PICALM: variants seen among roughly 807,000 people sequenced by gnomAD.
PICALM encodes phosphatidylinositol binding clathrin assembly protein.
In PICALM, 40 loss-of-function variants were observed where a neutral mutation model predicts 80.5. The observed-to-expected ratio is 0.50, with a 90% CI of 0.39 to 0.65. The LOEUF is 0.65. PICALM is among the 30% of genes least tolerant of loss of function. The pLI is 0.00. For missense variants in PICALM, 676 were observed against 778.9 expected (o/e 0.87, Z 1.57); for synonymous variants, 288 against 260.3 (o/e 1.11, Z -1.02).
At chr11:86,015,407 C>T (rs1278721675) in intron 4 of PICALM, among the ~76,000 whole-genome samples, 3 of 152,154 alleles carry the variant, frequency 2.0e-5, no homozygotes, top group African/African-American at 2.4e-5. Flanking sequence ...TCTTAGAGCT[C>T]TGTTTTATTT....
intron 1 of PICALM, among the ~76,000 whole-genome samples, chr11:86,044,693 G>C (rs2096038298): frequency 6.6e-6 from 1 of 152,194 alleles, no homozygotes; most frequent in African/African-American, 2.4e-5. Context: ...TAGGAACTGG[G>C]CCACACAGTA....
intron 7 of PICALM, among the ~76,000 whole-genome samples, chr11:86,009,249 T>G (rs1447674708): frequency 8.7e-6 from 1 of 115,276 alleles, no homozygotes; most frequent in Admixed American, 1.3e-4. Context: ...GACGAGACCA[T>G]GCCATGGCAC....
At chr11:85,992,702 C>T (rs11820073) in intron 12 of PICALM, among the ~76,000 whole-genome samples, 3 of 152,090 alleles carry the variant, frequency 2.0e-5, no homozygotes, top group South Asian at 2.1e-4. Context: ...CCATGAAATA[C>T]GTAATTTTTT....
At position 86,012,190 on chromosome 11, in the gene PICALM, T is replaced by A. The variant is rs2095410170; in HGVS notation, c.658+91A>T. 6 of 605,192 alleles carry A rather than the reference T, an allele frequency of 9.9e-6. No individual in the cohort carries two copies. The East Asian group carries it at 1.8e-4, about 18-fold the overall frequency. 37.5% of individuals were successfully genotyped at this position (605,192 alleles called of 1,614,324 possible). On this transcript the variant is annotated intron_variant, in intron 6 of 19. Transcript: ENST00000393346. The stretch of plus-strand genomic sequence containing the variant: ...CAATGAATGAATATATCATAATAAA[T>A]TTTTAGCCAGCTTTAAGTAACAACT...
intron 3 of PICALM, among the ~76,000 whole-genome samples, chr11:86,024,114 C>T (rs1393948965): frequency 6.6e-6 from 1 of 152,048 alleles, no homozygotes; most frequent in Non-Finnish European, 1.5e-5. Context: ...GGTGACAGAG[C>T]AAGCCCCGGT....
chr11:85,983,413 T>C (rs2094497269), intron 14 of PICALM, among the ~76,000 whole-genome samples: 1 of 152,228 alleles, frequency 6.6e-6, no homozygotes, highest in Non-Finnish European at 1.5e-5. Context: ...CCTGATTATT[T>C]AATACATTCT....
chr11:86,002,490 T>C (rs2095170809), intron 9 of PICALM, among the ~76,000 whole-genome samples: 1 of 152,186 alleles, frequency 6.6e-6, no homozygotes, highest in Admixed American at 6.5e-5. Flanking sequence ...TGATATGAAA[T>C]GATTTCTGTT....
chr11:86,009,249 T>C (rs1447674708), intron 7 of PICALM, among the ~76,000 whole-genome samples: 1 of 115,276 alleles, frequency 8.7e-6, no homozygotes, highest in Non-Finnish European at 1.6e-5. Context: ...GACGAGACCA[T>C]GCCATGGCAC....
At chr11:85,968,293 A>AAAAACAACAC (rs2093976528) in intron 19 of PICALM, among the ~76,000 whole-genome samples, 3 of 151,320 alleles carry the variant, frequency 2.0e-5, no homozygotes, top group African/African-American at 7.3e-5. Context: ...CCTGTCTCAA[A>AAAAACAACAC]AAAACAAAAC....
rs768122384 is a variant in PICALM at position 86,012,411 on chromosome 11, A to G, written c.547-19T>C. The G allele has an allele frequency of 7.3e-7, 1 of 1,365,096 alleles. No individual in the cohort carries two copies. The highest frequency in any genetic ancestry group is 1.0e-6 in the Non-Finnish European group (1 of 957,058). The allele number at this position is 1,365,096 out of a possible 1,614,324, so 84.6% of individuals were successfully genotyped here. On this transcript the variant is annotated intron_variant, in intron 5 of 19. Transcript: ENST00000393346. ...TATTAACCTAGGGAAAAATTGGAAA[A>G]TAAAATTAGCTAATCTTAGGTTTTA...
At chr11:85,974,352 C>A in intron 19 of PICALM, 1 of 411,808 alleles carries the variant, frequency 2.4e-6, no homozygotes, top group Non-Finnish European at 4.9e-6. Flanking sequence ...TCATTCTAGC[C>A]ATTAGCCAAG....
intron 19 of PICALM, among the ~76,000 whole-genome samples, chr11:85,972,120 TA>T (rs149240778): frequency 2.0e-5 from 3 of 150,788 alleles, no homozygotes; most frequent in African/African-American, 7.3e-5. Context: ...TTGCCAACAT[TA>T]AAAAAAAATG....
At chr11:85,977,420 C>G (rs2094316417) in intron 17 of PICALM, among the ~76,000 whole-genome samples, 1 of 152,144 alleles carries the variant, frequency 6.6e-6, no homozygotes, top group African/African-American at 2.4e-5. Flanking sequence ...AGAACAGAAT[C>G]ATTTTAGATA....
At chr11:86,000,905 C>A (rs752270194) in intron 10 of PICALM, 126 bp from the exon 11 acceptor site, 2 of 1,479,244 alleles carry the variant, frequency 1.4e-6, no homozygotes, top group Non-Finnish European at 1.8e-6. Context: ...TATGTCAGGA[C>A]GAAAAGTTAG....
intron 1 of PICALM, among the ~76,000 whole-genome samples, chr11:86,039,278 A>C (rs558449724): frequency 6.6e-6 from 1 of 152,290 alleles, no homozygotes; most frequent in African/African-American, 2.4e-5. Flanking sequence ...ACCTGTAGTC[A>C]GCTACTTGGA....
chr11:86,009,454 G>GT (rs2095351461), intron 7 of PICALM, among the ~76,000 whole-genome samples: 1 of 152,140 alleles, frequency 6.6e-6, no homozygotes, highest in Non-Finnish European at 1.5e-5. Flanking sequence ...CACTTTGGGA[G>GT]GCCCAGGCGG....
chr11:86,068,155 C>T (rs2096472386), intron 1 of PICALM, among the ~76,000 whole-genome samples: 1 of 152,132 alleles, frequency 6.6e-6, no homozygotes, highest in Non-Finnish European at 1.5e-5. Flanking sequence ...GTGGGGGATC[C>T]CTTCCAGGGA....
At chr11:85,976,996 T>A (rs568659481) in intron 17 of PICALM, 2 of 180,108 alleles carry the variant, frequency 1.1e-5, no homozygotes, top group Non-Finnish European at 2.3e-5. Flanking sequence ...TAGTTCTAAA[T>A]AGTTCTAAAA....
chr11:86,011,473 T>C (rs530691256), intron 6 of PICALM, among the ~76,000 whole-genome samples: 2 of 152,350 alleles, frequency 1.3e-5, no homozygotes, highest in East Asian at 3.8e-4. Context: ...ATCTTACTAA[T>C]AGTATATTAT....
Sources: allele counts gnomAD v4.1 joint callset (sites outside exome capture counted in the v4.1 genomes callset), GRCh38; gene constraint gnomAD v4.1.1; transcripts MANE v1.5; gene names NCBI Gene and HGNC (gene_info 2026-07-23, HGNC 2026-07-21).